Variants in PLXNA2 observed in about 807,000 individuals in gnomAD.
The protein encoded by PLXNA2 is plexin-A2.
PLXNA2 carries 91 observed loss-of-function variants against 193.5 expected under a neutral mutation model. That is an observed-to-expected ratio of 0.47 (90% CI 0.40 to 0.56). The LOEUF (loss-of-function observed/expected upper bound fraction) is 0.56, where lower values mean the gene tolerates loss of function less well. PLXNA2 is among the 20% of genes least tolerant of loss of function. PLXNA2 has a pLI of 0.00. For synonymous variants in PLXNA2, 997 were observed against 1,027.3 expected (o/e 0.97, Z 0.56); for missense variants, 1,995 against 2,503.2 (o/e 0.80, Z 4.33).
At chr1:208,154,158 C>T (rs148124740) in intron 3 of PLXNA2, among the ~76,000 whole-genome samples, 9 of 152,320 alleles carry the variant, frequency 5.9e-5, no homozygotes, top group African/African-American at 2.2e-4. Context: ...ACCTGCTTGT[C>T]CTCAATGCCC....
chr1:208,196,384 T>A (rs1366801014), intron 3 of PLXNA2, among the ~76,000 whole-genome samples: 1 of 152,226 alleles, frequency 6.6e-6, no homozygotes, highest in Admixed American at 6.5e-5. Context: ...ATATTGACCA[T>A]TAGCCAATTA....
At chr1:208,206,385 G>A (rs536378379) in intron 3 of PLXNA2, among the ~76,000 whole-genome samples, 14 of 152,294 alleles carry the variant, frequency 9.2e-5, no homozygotes, top group African/African-American at 2.9e-4. Flanking sequence ...CTCACGGTTC[G>A]CTAAAATCCC....
rs559197477 is a variant in PLXNA2 at position 208,045,295 on chromosome 1, G to A, written c.3496-85C>T. ...CTACTTAAAAAGAGATTAAGGAGACGGGGAAGGGCAGCAGTGCAAAAACCA... is the reference window on the plus strand; with the variant it reads ...CTACTTAAAAAGAGATTAAGGAGACAGGGAAGGGCAGCAGTGCAAAAACCA... On this transcript the variant is annotated intron_variant, in intron 18 of 31. Coordinates refer to ENST00000367033, the MANE Select transcript of PLXNA2 (RefSeq NM_025179.4). 65 of 1,415,940 alleles carry A rather than the reference G, an allele frequency of 4.6e-5. 1 individual carries two copies. Among genetic ancestry groups the A allele is most frequent in the South Asian group, 4.6e-4 (36 of 78,606 alleles). 87.7% of individuals were successfully genotyped at this position (1,415,940 alleles called of 1,614,324 possible).
intron 1 of PLXNA2, among the ~76,000 whole-genome samples, chr1:208,232,409 C>T (rs974119920): frequency 6.6e-6 from 1 of 152,242 alleles, no homozygotes. Context: ...CCTGGCCCTG[C>T]TGCTCTTCAA....
rs1342483801 is a variant in PLXNA2 at position 208,118,292 on chromosome 1, G to C, written c.1507-15045C>G. Reference sequence around the variant, plus strand: ...AGCAGACCATTTTTCCTGAAATCCTGGTGTCCTTCCAGGGAGTGAATAGGT... The same window carrying C: ...AGCAGACCATTTTTCCTGAAATCCTCGTGTCCTTCCAGGGAGTGAATAGGT... On this transcript the variant is annotated intron_variant, in intron 4 of 31. Coordinates refer to ENST00000367033, the MANE Select transcript of PLXNA2 (RefSeq NM_025179.4). Among the ~76,000 whole-genome samples, 6 of 152,332 alleles carry C rather than the reference G, an allele frequency of 3.9e-5. No homozygotes were observed. In the East Asian group the frequency reaches 1.2e-3, roughly 29 times the overall value.
chr1:208,161,981 G>C (rs1005774201), intron 3 of PLXNA2, among the ~76,000 whole-genome samples: 2 of 152,254 alleles, frequency 1.3e-5, no homozygotes, highest in Admixed American at 6.5e-5. Flanking sequence ...GCTGGGAGGA[G>C]AGGGGGAGCA....
At chr1:208,178,402 G>A (rs962403957) in intron 3 of PLXNA2, among the ~76,000 whole-genome samples, 1 of 152,208 alleles carries the variant, frequency 6.6e-6, no homozygotes, top group Admixed American at 6.5e-5. Flanking sequence ...CCTAACTGAG[G>A]GAGGAGAGCT....
chr1:208,067,903 C>T (rs1194055753), intron 12 of PLXNA2, among the ~76,000 whole-genome samples: 1 of 152,154 alleles, frequency 6.6e-6, no homozygotes, highest in African/African-American at 2.4e-5. Context: ...ATTTGACATG[C>T]TGTTCCCTGT....
At chr1:208,052,562 G>T (rs1429065484) in intron 14 of PLXNA2, 99 bp from the exon 15 acceptor site, 3 of 1,231,366 alleles carry the variant, frequency 2.4e-6, no homozygotes, top group South Asian at 1.4e-5. Flanking sequence ...TTCATTCTGG[G>T]CGTGGTGGTA....
intron 3 of PLXNA2, among the ~76,000 whole-genome samples, chr1:208,155,099 G>A (rs549384747): frequency 6.6e-5 from 10 of 152,102 alleles, no homozygotes; most frequent in South Asian, 2.1e-4. Context: ...GAGGAGGAGC[G>A]GGAGGCAGCA....
At chr1:208,196,980 C>T (rs1303530232) in intron 3 of PLXNA2, among the ~76,000 whole-genome samples, 1 of 152,148 alleles carries the variant, frequency 6.6e-6, no homozygotes, top group African/African-American at 2.4e-5. Context: ...GATTTAGATG[C>T]TTATTGAACC....
chr1:208,109,848 C>T lies in PLXNA2; in HGVS notation c.1507-6601G>A, dbSNP rs139449915. Among the ~76,000 whole-genome samples, 161 of 152,342 alleles carry T rather than the reference C, an allele frequency of 1.1e-3. 1 individual carries two copies. The highest frequency in any genetic ancestry group is 3.4e-3 in the African/African-American group (142 of 41,588). ...GCGGGGATCAGGAGGCTTGAAGCAA[C>T]CTGAAGGCAGGTGAGGCTTCTGCTT... On this transcript the variant is annotated intron_variant, in intron 4 of 31. Transcript: ENST00000367033.
At chr1:208,210,069 C>T (rs1670885846) in intron 3 of PLXNA2, 1 of 397,078 alleles carries the variant, frequency 2.5e-6, no homozygotes, top group African/African-American at 2.2e-5. Flanking sequence ...AATACGCTTG[C>T]ATTCCTTACA....
At chr1:208,132,045 G>A (rs949981611) in intron 4 of PLXNA2, among the ~76,000 whole-genome samples, 1 of 152,174 alleles carries the variant, frequency 6.6e-6, no homozygotes, top group Non-Finnish European at 1.5e-5. Context: ...TGCTCGTGAG[G>A]CGCTTGGCTG....
chr1:208,119,154 T>C (rs1309248215), intron 4 of PLXNA2, among the ~76,000 whole-genome samples: 1 of 152,176 alleles, frequency 6.6e-6, no homozygotes, highest in Non-Finnish European at 1.5e-5. Flanking sequence ...TCTTTTTTTT[T>C]AGAGCAGGAG....
chr1:208,068,893 G>GT (rs1017103775), intron 12 of PLXNA2, among the ~76,000 whole-genome samples: 29 of 152,194 alleles, frequency 1.9e-4, no homozygotes, highest in Non-Finnish European at 3.8e-4. Flanking sequence ...GGACTTTTAA[G>GT]TTGTGTTATT....
chr1:208,195,356 A>T (rs1248783219), intron 3 of PLXNA2, among the ~76,000 whole-genome samples: 1 of 151,218 alleles, frequency 6.6e-6, no homozygotes, highest in Non-Finnish European at 1.5e-5. Context: ...GAGATCCGGG[A>T]GGGTGGCAAC....
intron 4 of PLXNA2, among the ~76,000 whole-genome samples, chr1:208,128,728 GTCTC>G (rs1238515835): frequency 8.5e-6 from 1 of 117,750 alleles, no homozygotes; most frequent in South Asian, 3.0e-4. Context: ...TTGGGATGGA[GTCTC>G]TCTCTGTCCC....
At chr1:208,207,667 T>C (rs1450310782) in intron 3 of PLXNA2, among the ~76,000 whole-genome samples, 1 of 152,178 alleles carries the variant, frequency 6.6e-6, no homozygotes, top group African/African-American at 2.4e-5. Context: ...TTGAAAGAGC[T>C]ATGGGGCCTG....
Sources: gnomAD v4.1 joint callset for allele counts (sites outside exome capture counted in the v4.1 genomes callset) on GRCh38, gnomAD v4.1.1 for gene constraint, MANE v1.5 for transcripts, NCBI Gene and HGNC (gene_info 2026-07-23, HGNC 2026-07-21) for gene names.